DLG1: variants seen among roughly 807,000 people sequenced by gnomAD.
The protein encoded by DLG1 is discs large MAGUK scaffold protein 1, also known as disks large homolog 1.
A neutral mutation model predicts 123.4 loss-of-function variants in DLG1; 42 were observed. That is an observed-to-expected ratio of 0.34 (90% CI 0.27 to 0.44). The LOEUF is 0.44. Ranked by LOEUF, DLG1 falls within the 20% of genes least tolerant of loss-of-function variation. The pLI is 1.00. For synonymous variants in DLG1, 317 were observed against 356.2 expected (o/e 0.89, Z 1.24); for missense variants, 942 against 1,082.6 (o/e 0.87, Z 1.82).
chr3:197,161,512 C>G (rs1469947075), intron 5 of DLG1: 12 of 525,206 alleles, frequency 2.3e-5, no homozygotes, highest in Non-Finnish European at 3.2e-5. Flanking sequence ...GTCCCTAAAA[C>G]TACTAACTGA....
At chr3:197,200,559 T>A (rs764596633) in intron 4 of DLG1, among the ~76,000 whole-genome samples, 2 of 152,056 alleles carry the variant, frequency 1.3e-5, no homozygotes, top group Non-Finnish European at 2.9e-5. Context: ...CTAATGAACA[T>A]AGATGTAAAA....
chr3:197,142,815 C>T, intron 6 of DLG1, 47 bp from the exon 7 acceptor site: 2 of 1,554,964 alleles, frequency 1.3e-6, no homozygotes, highest in Non-Finnish European at 1.7e-6. Context: ...AGTGTAAAAT[C>T]CAAAATGGCA....
At chr3:197,113,069 C>G (rs918649258) in intron 13 of DLG1, among the ~76,000 whole-genome samples, 5 of 152,074 alleles carry the variant, frequency 3.3e-5, no homozygotes, top group Admixed American at 3.3e-4. Flanking sequence ...AATTTTATGT[C>G]TGGAGTAAGA....
chr3:197,054,354 A>T (rs1026607489), intron 23 of DLG1, among the ~76,000 whole-genome samples: 1 of 151,886 alleles, frequency 6.6e-6, no homozygotes, highest in South Asian at 2.1e-4. Flanking sequence ...TCCTTCAAGG[A>T]CCTCCACAAT....
intron 5 of DLG1, among the ~76,000 whole-genome samples, chr3:197,179,083 G>A (rs1345645209): frequency 1.3e-5 from 2 of 152,148 alleles, no homozygotes; most frequent in Non-Finnish European, 2.9e-5. Flanking sequence ...CACAAAGCAA[G>A]ATTATTTATT....
chr3:197,121,823 C>CAAAAAAAAAAAAAAAA (rs71161995), intron 11 of DLG1, among the ~76,000 whole-genome samples: 1 of 101,996 alleles, frequency 9.8e-6, no homozygotes, highest in Non-Finnish European at 1.9e-5. Flanking sequence ...ACAATCACCA[C>CAAAAAAAAAAAAAAAA]AAAAAAAAAA....
At chr3:197,137,676 G>C (rs541074774) in intron 9 of DLG1, among the ~76,000 whole-genome samples, 2 of 151,874 alleles carry the variant, frequency 1.3e-5, no homozygotes, top group African/African-American at 4.8e-5. Context: ...ATCAATAAAC[G>C]TAAGAATTTT....
chr3:197,183,564 T>C, intron 5 of DLG1: 1 of 1,547,232 alleles, frequency 6.5e-7, no homozygotes, highest in Non-Finnish European at 8.7e-7. Context: ...TTTCAACAAG[T>C]GGTATGTTAC....
intron 13 of DLG1, among the ~76,000 whole-genome samples, chr3:197,105,980 C>T (rs1478790528): frequency 6.6e-6 from 1 of 152,174 alleles, no homozygotes; most frequent in East Asian, 1.9e-4. Context: ...TCACATATCA[C>T]TTTTAAAAAA....
chr3:197,173,751 T>C (rs1805525750), intron 5 of DLG1, among the ~76,000 whole-genome samples: 1 of 152,256 alleles, frequency 6.6e-6, no homozygotes, highest in Admixed American at 6.5e-5. Context: ...ACTGCTATTG[T>C]AGTTCAAAAG....
intron 5 of DLG1, chr3:197,184,225 T>G: frequency 3.5e-6 from 2 of 565,042 alleles, no homozygotes; most frequent in Non-Finnish European, 4.5e-6. Flanking sequence ...TGGGGCTGCC[T>G]GATTTAATGC....
intron 2 of DLG1, 93 bp downstream of exon 2, chr3:197,297,093 A>G: frequency 7.1e-7 from 1 of 1,401,466 alleles, no homozygotes; most frequent in East Asian, 2.3e-5. Flanking sequence ...TGTCTCATCA[A>G]AGTTACACAA....
At chr3:197,205,087 T>A (rs1021150285) in intron 4 of DLG1, among the ~76,000 whole-genome samples, 1 of 152,204 alleles carries the variant, frequency 6.6e-6, no homozygotes, top group East Asian at 1.9e-4. Flanking sequence ...TCAACCTTCA[T>A]ATGATAAAGC....
intron 4 of DLG1, among the ~76,000 whole-genome samples, chr3:197,241,057 G>T (rs1357559655): frequency 1.3e-5 from 2 of 151,924 alleles, no homozygotes; most frequent in Non-Finnish European, 2.9e-5. Flanking sequence ...AGGAAGGTCA[G>T]AAAACACATT....
intron 4 of DLG1, among the ~76,000 whole-genome samples, chr3:197,221,731 G>T (rs561680251): frequency 6.6e-6 from 1 of 152,244 alleles, no homozygotes; most frequent in South Asian, 2.1e-4. Context: ...CTGCCTGTAT[G>T]CATTAGGTCA....
At chr3:197,180,901 AAATT>A (rs1358270403) in intron 5 of DLG1, among the ~76,000 whole-genome samples, 1 of 152,322 alleles carries the variant, frequency 6.6e-6, no homozygotes, top group African/African-American at 2.4e-5. Flanking sequence ...AATGGAATAA[AAATT>A]AATTAATTCT....
intron 24 of DLG1, among the ~76,000 whole-genome samples, chr3:197,050,315 C>A (rs148702184): frequency 2.6e-5 from 4 of 151,062 alleles, no homozygotes; most frequent in Non-Finnish European, 5.9e-5. Context: ...TGCAGTGAGC[C>A]GAGATTGCGC....
At chr3:197,242,751 T>A (rs541788965) in intron 4 of DLG1, among the ~76,000 whole-genome samples, 1 of 152,138 alleles carries the variant, frequency 6.6e-6, no homozygotes, top group African/African-American at 2.4e-5. Context: ...ATACCAAAGC[T>A]ATGGAATACA....
chr3:197,288,784 A>T (rs957662552), intron 3 of DLG1, among the ~76,000 whole-genome samples: 1 of 151,804 alleles, frequency 6.6e-6, no homozygotes, highest in African/African-American at 2.4e-5. Context: ...AAAATGGTAG[A>T]AATCTACTGA....
Sources: gnomAD v4.1 joint callset for allele counts (sites outside exome capture counted in the v4.1 genomes callset) on GRCh38, gnomAD v4.1.1 for gene constraint, MANE v1.5 for transcripts, NCBI Gene and HGNC (gene_info 2026-07-23, HGNC 2026-07-21) for gene names.